The following B3GLCT variants were observed in gnomAD, a reference collection of about 807,000 sequenced individuals.
B3GLCT encodes the protein beta-1,3-glucosyltransferase.
Under a neutral mutation model 63.4 loss-of-function variants are expected in B3GLCT, and 65 were observed. The ratio of observed to expected loss-of-function variants is 1.03; its 90% CI spans 0.84 to 1.26. The LOEUF is 1.26. B3GLCT is among the 50% of genes most tolerant of loss of function. The pLI is 0.00. For missense variants in B3GLCT, 577 were observed against 604.8 expected, an observed-to-expected ratio of 0.95 and a Z score of 0.48; for synonymous variants, 233 against 219.2, an observed-to-expected ratio of 1.06 and a Z score of -0.55.
intron 1 of B3GLCT, among the ~76,000 whole-genome samples, chr13:31,205,244 T>G (rs1423306787): frequency 6.6e-5 from 10 of 151,632 alleles, no homozygotes; most frequent in Admixed American, 2.0e-4. Flanking sequence ...GGTTTTTTTT[T>G]TTTGTTTTTT....
intron 4 of B3GLCT, among the ~76,000 whole-genome samples, chr13:31,232,082 C>T (rs957968487): frequency 4.6e-4 from 70 of 152,204 alleles, no homozygotes; most frequent in African/African-American, 2.4e-5. Context: ...TGCTTGTTAC[C>T]TTGTGCCAAG....
chr13:31,262,278 G>A (rs867209005), intron 7 of B3GLCT, among the ~76,000 whole-genome samples: 8 of 152,298 alleles, frequency 5.3e-5, no homozygotes, highest in South Asian at 4.2e-4. Context: ...ATAAATGTAC[G>A]TTATGCTTTA....
Position 31,321,995 on chromosome 13 carries a change from C to A in B3GLCT, c.1185-1756C>A, listed in dbSNP as rs1321478236. On this transcript the variant is annotated intron_variant, in intron 13 of 14. Coordinates refer to ENST00000343307, the MANE Select transcript of B3GLCT (RefSeq NM_194318.4). Reference sequence around the variant, plus strand: ...TAGTCTTTTATCCCTCATCCCCACCCCTCTTCCGAGTTCCCAAAGTTCATT... The same window carrying A: ...TAGTCTTTTATCCCTCATCCCCACCACTCTTCCGAGTTCCCAAAGTTCATT... 2.0e-5 allele frequency among the ~76,000 whole-genome samples: 3 copies of A among 152,190 alleles called. No individual in the cohort carries two copies. The East Asian group carries it at 5.8e-4, about 29-fold the overall frequency.
intron 1 of B3GLCT, among the ~76,000 whole-genome samples, chr13:31,209,892 A>G (rs1396125657): frequency 6.6e-6 from 1 of 152,228 alleles, no homozygotes; most frequent in East Asian, 1.9e-4. Flanking sequence ...TGGGAAAACA[A>G]ATTAAGAGAA....
intron 4 of B3GLCT, among the ~76,000 whole-genome samples, chr13:31,241,529 G>A (rs1464307188): frequency 6.6e-6 from 1 of 152,222 alleles, no homozygotes; most frequent in Non-Finnish European, 1.5e-5. Flanking sequence ...GCCTATTGCG[G>A]AAATGGCACC....
At chr13:31,250,625 G>A (rs1341530764) in intron 6 of B3GLCT, among the ~76,000 whole-genome samples, 1 of 152,238 alleles carries the variant, frequency 6.6e-6, no homozygotes, top group Non-Finnish European at 1.5e-5. Context: ...GCCCACCACA[G>A]CGAGGCAAGG....
At chr13:31,284,897 G>A in intron 11 of B3GLCT, 136 bp downstream of exon 11, 1 of 670,338 alleles carries the variant, frequency 1.5e-6, no homozygotes, top group South Asian at 1.7e-5. Flanking sequence ...CCTTCTCTCA[G>A]ATACTGATTG....
rs886089143 is a variant in B3GLCT at position 31,299,734 on chromosome 13, A to G, written c.1064+12915A>G. 2.0e-5 allele frequency among the ~76,000 whole-genome samples: 3 copies of G among 152,300 alleles called. No individual in the cohort carries two copies. The South Asian group carries it at 6.2e-4, about 32-fold the overall frequency. ...CCAGGTGACCACCTCAAGGAAGTCC[A>G]CAGGGATACCTGCTTGTCAATTCCA... is the stretch of plus-strand genomic sequence containing the variant. On this transcript the variant is annotated intron_variant, in intron 12 of 14. Coordinates refer to ENST00000343307, the MANE Select transcript of B3GLCT (RefSeq NM_194318.4).
At chr13:31,212,237 G>A (rs918681129) in intron 1 of B3GLCT, among the ~76,000 whole-genome samples, 3 of 149,522 alleles carry the variant, frequency 2.0e-5, no homozygotes, top group African/African-American at 7.4e-5. Flanking sequence ...CTAACTAGCT[G>A]GGATGACAGG....
chr13:31,288,867 CAACAATTTTCTGGG>C (rs1873490626), intron 12 of B3GLCT, among the ~76,000 whole-genome samples: 1 of 151,934 alleles, frequency 6.6e-6, no homozygotes, highest in African/African-American at 2.4e-5. Context: ...TAAAGGACCA[CAACAATTTTCTGGG>C]AACAGATCCC....
At chr13:31,294,616 G>A (rs759129250) in intron 12 of B3GLCT, among the ~76,000 whole-genome samples, 2 of 152,126 alleles carry the variant, frequency 1.3e-5, no homozygotes, top group Non-Finnish European at 2.9e-5. Context: ...TGATACTTGT[G>A]TGTGCTTCAC....
At chr13:31,262,548 T>C (rs1209010629) in intron 7 of B3GLCT, among the ~76,000 whole-genome samples, 2 of 152,220 alleles carry the variant, frequency 1.3e-5, no homozygotes, top group Non-Finnish European at 2.9e-5. Context: ...GAGGGGAATA[T>C]GTTCTGCCCT....
At chr13:31,207,434 ACTGTTT>A (rs1869017737) in intron 1 of B3GLCT, among the ~76,000 whole-genome samples, 1 of 152,138 alleles carries the variant, frequency 6.6e-6, no homozygotes, top group Non-Finnish European at 1.5e-5. Context: ...CACCCCCAAG[ACTGTTT>A]TGAGTTGCAA....
At chr13:31,254,523 G>A (rs1163015136) in intron 6 of B3GLCT, among the ~76,000 whole-genome samples, 2 of 152,038 alleles carry the variant, frequency 1.3e-5, no homozygotes, top group African/African-American at 4.8e-5. Context: ...AAAATAATAA[G>A]AACTATTTAT....
chr13:31,284,799 T>A (rs769612244), intron 11 of B3GLCT, 38 bp downstream of exon 11: 1 of 1,094,192 alleles, frequency 9.1e-7, no homozygotes, highest in Non-Finnish European at 1.4e-6. Flanking sequence ...TATTAAACAT[T>A]GCCATTCTGT....
intron 8 of B3GLCT, among the ~76,000 whole-genome samples, chr13:31,271,042 G>A (rs777791722): frequency 6.6e-6 from 1 of 152,216 alleles, no homozygotes; most frequent in Non-Finnish European, 1.5e-5. Context: ...TGAATTCCTG[G>A]TGGCTCCACC....
chr13:31,219,239 T>C (rs1338435717), intron 2 of B3GLCT, among the ~76,000 whole-genome samples: 1 of 152,202 alleles, frequency 6.6e-6, no homozygotes, highest in Non-Finnish European at 1.5e-5. Context: ...CATCAAAAGC[T>C]AATCCACCAC....
intron 2 of B3GLCT, among the ~76,000 whole-genome samples, chr13:31,216,006 G>A (rs1352007148): frequency 6.6e-6 from 1 of 152,168 alleles, no homozygotes; most frequent in Non-Finnish European, 1.5e-5. Context: ...ATGTTTACTA[G>A]TTGGGCTTTG....
intron 12 of B3GLCT, among the ~76,000 whole-genome samples, chr13:31,289,922 T>C (rs998299756): frequency 2.0e-5 from 3 of 152,062 alleles, no homozygotes; most frequent in Non-Finnish European, 1.5e-5. Context: ...AATGTGCAGG[T>C]TTGTTACATA....
Sources: allele counts gnomAD v4.1 joint callset (sites outside exome capture counted in the v4.1 genomes callset), GRCh38; gene constraint gnomAD v4.1.1; transcripts MANE v1.5; gene names NCBI Gene and HGNC (gene_info 2026-07-23, HGNC 2026-07-21).